The following PLD1 variants were observed in gnomAD, a reference collection of about 807,000 sequenced individuals.
PLD1 encodes choline phosphatase 1.
Under a neutral mutation model 137.1 loss-of-function variants are expected in PLD1, and 112 were observed. The ratio of observed to expected loss-of-function variants is 0.82; its 90% confidence interval spans 0.70 to 0.96. The LOEUF is 0.96. Ranked by LOEUF, PLD1 falls within the 40% of genes least tolerant of loss-of-function variation. The probability of loss-of-function intolerance (pLI) is 0.00; values close to 1 mark genes in which losing one functional copy is unlikely to be tolerated. For missense variants in PLD1, 1,321 were observed against 1,342.0 expected, an observed-to-expected ratio of 0.98 and a Z score of 0.24; for synonymous variants, 431 against 454.7, an observed-to-expected ratio of 0.95 and a Z score of 0.66.
At chr3:171,664,718 C>T (rs1434738074) in intron 19 of PLD1, among the ~76,000 whole-genome samples, 1 of 152,158 alleles carries the variant, frequency 6.6e-6, no homozygotes, top group African/African-American at 2.4e-5. Context: ...CTCAGCCTCC[C>T]AAAGTGCTGG....
intron 18 of PLD1, among the ~76,000 whole-genome samples, chr3:171,676,508 T>C (rs1456934299): frequency 1.3e-5 from 2 of 152,076 alleles, no homozygotes; most frequent in Non-Finnish European, 2.9e-5. Flanking sequence ...GCACTCTGAA[T>C]TGTCTATGGT....
At chr3:171,611,070 AC>A (rs1052905033) in intron 25 of PLD1, among the ~76,000 whole-genome samples, 2 of 152,222 alleles carry the variant, frequency 1.3e-5, no homozygotes, top group African/African-American at 4.8e-5. Context: ...ACCATTTAAC[AC>A]AAAGAAAACA....
chr3:171,675,221 T>C (rs938928692), intron 18 of PLD1, among the ~76,000 whole-genome samples: 2 of 152,164 alleles, frequency 1.3e-5, no homozygotes, highest in African/African-American at 4.8e-5. Context: ...AATGAGACTA[T>C]TGTTTTATAA....
intron 20 of PLD1, among the ~76,000 whole-genome samples, chr3:171,661,411 G>C (rs970544304): frequency 6.6e-6 from 1 of 151,976 alleles, no homozygotes; most frequent in Non-Finnish European, 1.5e-5. Flanking sequence ...ATTTTCTCAG[G>C]GTTTTTCAAG....
intron 20 of PLD1, among the ~76,000 whole-genome samples, chr3:171,660,675 G>A (rs937920423): frequency 6.6e-6 from 1 of 151,660 alleles, no homozygotes; most frequent in South Asian, 2.1e-4. Context: ...GCATGATCTC[G>A]GCTCACTGCA....
intron 19 of PLD1, 65 bp downstream of exon 19, chr3:171,674,435 T>C (rs1713115267): frequency 1.3e-6 from 1 of 778,736 alleles, no homozygotes; most frequent in Non-Finnish European, 2.1e-6. Flanking sequence ...AATAGGCCCT[T>C]GGTCCAATAA....
chr3:171,634,219 A>G (rs9869963), intron 23 of PLD1, among the ~76,000 whole-genome samples: 4 of 152,110 alleles, frequency 2.6e-5, no homozygotes, highest in African/African-American at 9.7e-5. Context: ...ATTGAAATTA[A>G]TTCTTGTGTT....
At chr3:171,683,310 G>A (rs979097744) in intron 16 of PLD1, among the ~76,000 whole-genome samples, 1 of 152,076 alleles carries the variant, frequency 6.6e-6, no homozygotes, top group East Asian at 1.9e-4. Context: ...GTCAGCCCTC[G>A]CCTACCCTTC....
intron 26 of PLD1, among the ~76,000 whole-genome samples, chr3:171,604,585 T>C (rs772767880): frequency 2.7e-4 from 41 of 152,136 alleles, no homozygotes; most frequent in Non-Finnish European, 4.9e-4. Context: ...ACTAGCTACT[T>C]TTCGAAGTAA....
At chr3:171,722,072 T>C (rs913531129) in intron 8 of PLD1, among the ~76,000 whole-genome samples, 1 of 152,180 alleles carries the variant, frequency 6.6e-6, no homozygotes, top group African/African-American at 2.4e-5. Flanking sequence ...TATACAGATA[T>C]AAAATATTTA....
chr3:171,760,933 AT>A (rs1329282424), intron 1 of PLD1, among the ~76,000 whole-genome samples: 1 of 152,240 alleles, frequency 6.6e-6, no homozygotes, highest in Non-Finnish European at 1.5e-5. Flanking sequence ...TTAGTAGGAT[AT>A]TTGAAGAGCA....
At chr3:171,739,663 A>G (rs905990803) in intron 1 of PLD1, among the ~76,000 whole-genome samples, 4 of 152,186 alleles carry the variant, frequency 2.6e-5, no homozygotes, top group Non-Finnish European at 5.9e-5. Context: ...TAAATCTGTG[A>G]GGGCTTGTTT....
chr3:171,666,505 T>C (rs753715922), intron 19 of PLD1, among the ~76,000 whole-genome samples: 7 of 152,262 alleles, frequency 4.6e-5, no homozygotes, highest in Non-Finnish European at 1.0e-4. Flanking sequence ...AAGGTGAGAT[T>C]TGTGTGGAAA....
intron 1 of PLD1, among the ~76,000 whole-genome samples, chr3:171,797,630 T>TA (rs146816959): frequency 3.3e-4 from 50 of 150,066 alleles, no homozygotes; most frequent in Middle Eastern, 3.4e-3. Flanking sequence ...AGGTTGTCTT[T>TA]AAAAAAAAAA....
intron 7 of PLD1, among the ~76,000 whole-genome samples, chr3:171,725,085 C>T (rs1196358812): frequency 6.6e-6 from 1 of 152,066 alleles, no homozygotes; most frequent in Non-Finnish European, 1.5e-5. Context: ...TGAGTGTTCC[C>T]GTTAACTCGT....
chr3:171,710,092 T>C (rs1351707950), intron 9 of PLD1, among the ~76,000 whole-genome samples: 2 of 152,076 alleles, frequency 1.3e-5, no homozygotes, highest in Non-Finnish European at 2.9e-5. Flanking sequence ...AGATGGAGTC[T>C]CGCTCTGTCG....
chr3:171,746,071 G>A (rs1166405811), intron 1 of PLD1, among the ~76,000 whole-genome samples: 2 of 152,174 alleles, frequency 1.3e-5, no homozygotes. Flanking sequence ...AGCACTGCCG[G>A]CCCGCCCCAC....
intron 19 of PLD1, among the ~76,000 whole-genome samples, chr3:171,664,271 G>T (rs554514865): frequency 6.6e-6 from 1 of 152,184 alleles, no homozygotes; most frequent in South Asian, 2.1e-4. Flanking sequence ...AAAAACAAAG[G>T]TTGAAGAAAT....
At chr3:171,761,135 G>A (rs1379952487) in intron 1 of PLD1, among the ~76,000 whole-genome samples, 1 of 152,186 alleles carries the variant, frequency 6.6e-6, no homozygotes, top group African/African-American at 2.4e-5. Flanking sequence ...AGCTATTCTT[G>A]TGAGAAAGCC....
Sources: allele counts gnomAD v4.1 joint callset (sites outside exome capture counted in the v4.1 genomes callset), GRCh38; gene constraint gnomAD v4.1.1; transcripts MANE v1.5; gene names NCBI Gene and HGNC (gene_info 2026-07-23, HGNC 2026-07-21).